Variants in CLSPN observed in about 807,000 individuals in gnomAD.
CLSPN encodes the protein claspin, also known as claspin homolog.
In CLSPN, 85 loss-of-function variants were observed where a neutral mutation model predicts 156.3. The ratio of observed to expected loss-of-function variants is 0.54; its 90% CI spans 0.46 to 0.65. CLSPN has a LOEUF of 0.65. CLSPN is among the 30% of genes least tolerant of loss of function. The pLI is 0.00. For missense variants in CLSPN, 1,407 were observed against 1,554.9 expected (o/e 0.90, Z 1.60); for synonymous variants, 534 against 542.4 (o/e 0.98, Z 0.22).
Position 35,746,917 on chromosome 1 carries a change from C to G in CLSPN, c.2703G>C (p.Glu901Asp), listed in dbSNP as rs1190236914. The G allele has an allele frequency of 6.2e-7, 1 of 1,614,152 alleles. No homozygotes were observed. The highest frequency in any genetic ancestry group is 8.5e-7 in the Non-Finnish European group (1 of 1,179,992). The change falls in exon 15 of 25, where the codon GAG (glutamate) becomes GAC (aspartate). Residue 901 changes from glutamate (E) to aspartate (D), a missense_variant. By Grantham distance (45) the Glu-to-Asp change is conservative. This residue lies in a region of CLSPN where 1,096 missense variants were observed against 1,193.0 expected (regional missense o/e 0.92). Coordinates refer to ENST00000318121, the MANE Select transcript of CLSPN (RefSeq NM_022111.4). This position sits in a 1 kb window ranked among gnomAD's most constrained non-coding sequence, Gnocchi z 4.2. ...KPRLPLASMDENAMDANMDEL... is the reference protein window; with the variant it reads ...KPRLPLASMDDNAMDANMDEL... ...CATCCATGTTGGCATCCATGGCATT[C>G]TCATCCATACTGGCCAATGGCAATC...
rs1284320411 is a variant in CLSPN, at chr1:35,743,170, CAGG to C, written c.3111_3113del (p.Leu1038del). 31 of 1,613,886 alleles carry C rather than the reference CAGG, an allele frequency of 1.9e-5. No individual in the cohort carries two copies. The highest frequency in any genetic ancestry group is 2.4e-5 in the Non-Finnish European group (28 of 1,179,876). ...GCCTTTTCAACTTCTCAGATCGCTT[CAGG>C]AGTTCTTCTTCATCATCATCTTCAT... On this transcript the variant is annotated inframe_deletion, in exon 18 of 25. Transcript: ENST00000318121.
At chr1:35,766,243 C>A (rs1283742241) in intron 1 of CLSPN, among the ~76,000 whole-genome samples, 1 of 151,628 alleles carries the variant, frequency 6.6e-6, no homozygotes, top group Non-Finnish European at 1.5e-5. Flanking sequence ...GATCCGCCCA[C>A]CTCGGCCTCC....
intron 8 of CLSPN, among the ~76,000 whole-genome samples, chr1:35,759,293 C>T (rs1642395575): frequency 6.6e-6 from 1 of 152,194 alleles, no homozygotes; most frequent in African/African-American, 2.4e-5. Flanking sequence ...AATTAATCCA[C>T]CTATTCTTCA....
intron 2 of CLSPN, 88 bp from the exon 3 acceptor site, chr1:35,764,802 T>C (rs190543012): frequency 2.1e-5 from 17 of 816,516 alleles, no homozygotes; most frequent in African/African-American, 3.5e-5. Context: ...TTTATACAAG[T>C]GATATATAAC....
intron 8 of CLSPN, among the ~76,000 whole-genome samples, chr1:35,755,524 C>T (rs931254273): frequency 6.6e-6 from 1 of 152,056 alleles, no homozygotes; most frequent in African/African-American, 2.4e-5. Flanking sequence ...CCACCCACCT[C>T]GGCCTCCCAA....
downstream of CLSPN, among the ~76,000 whole-genome samples, chr1:35,730,268 G>T (rs1218577788): frequency 6.6e-6 from 1 of 152,170 alleles, no homozygotes; most frequent in Non-Finnish European, 1.5e-5. Context: ...CTAAGGCTGG[G>T]TGTGGTGGCT....
Position 35,735,554 on chromosome 1 carries a change from A to G in CLSPN, c.*942T>C, listed in dbSNP as rs1641435968. 10 of 531,348 alleles carry G rather than the reference A, an allele frequency of 1.9e-5. No individual in the cohort carries two copies. Among genetic ancestry groups the G allele is most frequent in the Non-Finnish European group, 2.4e-5 (10 of 415,450 alleles). The allele number at this position is 531,348 out of a possible 1,614,324, so 32.9% of individuals were successfully genotyped here. On this transcript the variant is annotated 3_prime_UTR_variant, in exon 25 of 25. Coordinates refer to ENST00000318121, the MANE Select transcript of CLSPN (RefSeq NM_022111.4). ...GACTCCCTGTCTCCACTAAAAATAC[A>G]AAAATTAGCCAGGTGTGGTGGCATG... is the stretch of plus-strand genomic sequence containing the variant.
downstream of CLSPN, among the ~76,000 whole-genome samples, chr1:35,729,030 C>T (rs1259904556): frequency 6.7e-6 from 1 of 149,326 alleles, no homozygotes; most frequent in African/African-American, 2.5e-5. Context: ...TTTGGAAAAC[C>T]CAGATGATTT....
At chr1:35,726,070 T>G (rs1434334119) in intron 24 of CLSPN, among the ~76,000 whole-genome samples, 1 of 138,110 alleles carries the variant, frequency 7.2e-6, no homozygotes, top group African/African-American at 2.6e-5. Context: ...GTTCTTTGAG[T>G]TGGTTGCACC....
chr1:35,728,170 A>G (rs1222658930), downstream of CLSPN, among the ~76,000 whole-genome samples: 1 of 148,992 alleles, frequency 6.7e-6, no homozygotes, highest in Non-Finnish European at 1.5e-5. Flanking sequence ...TGCAGCCACA[A>G]CCTCCAGGCT....
intron 8 of CLSPN, 61 bp from the exon 9 acceptor site, chr1:35,753,997 C>T: frequency 6.7e-7 from 1 of 1,499,372 alleles, no homozygotes; most frequent in Non-Finnish European, 9.0e-7. Flanking sequence ...TCCTTTAAGA[C>T]TTATAAGCTA....
chr1:35,767,707 G>A (rs1399591665), intron 1 of CLSPN, among the ~76,000 whole-genome samples: 1 of 152,190 alleles, frequency 6.6e-6, no homozygotes, highest in Non-Finnish European at 1.5e-5. Flanking sequence ...ATCTCATTAT[G>A]TGTATGCGAA....
chr1:35,742,815 C>T (rs1414253675), intron 18 of CLSPN, among the ~76,000 whole-genome samples: 2 of 147,874 alleles, frequency 1.4e-5, no homozygotes, highest in Non-Finnish European at 3.0e-5. Context: ...GGTGCGATCT[C>T]GGCTCACTGC....
At chr1:35,752,318 G>A (rs1444565104) in intron 9 of CLSPN, among the ~76,000 whole-genome samples, 3 of 152,090 alleles carry the variant, frequency 2.0e-5, no homozygotes, top group African/African-American at 7.2e-5. Flanking sequence ...AGTGACTCAC[G>A]CCTGTAATCC....
At chr1:35,750,967 A>G (rs12740018) in intron 10 of CLSPN, among the ~76,000 whole-genome samples, 1,698 of 151,934 alleles carry the variant, frequency 0.011, 14 homozygotes, top group Non-Finnish European at 0.019. Context: ...TAATATTAGC[A>G]TTATTATATT....
At chr1:35,758,820 A>G in intron 8 of CLSPN, among the ~76,000 whole-genome samples, 1 of 136,846 alleles carries the variant, frequency 7.3e-6, no homozygotes, top group East Asian at 2.0e-4. Flanking sequence ...TTTTTTTGAG[A>G]CAGGATTTCA....
intron 4 of CLSPN, among the ~76,000 whole-genome samples, chr1:35,762,725 C>A (rs1427929981): frequency 6.6e-6 from 1 of 151,990 alleles, no homozygotes; most frequent in Non-Finnish European, 1.5e-5. Flanking sequence ...GATAATAACT[C>A]GCAGGAAGCT....
chr1:35,734,435 T>C lies in CLSPN; in HGVS notation c.*2061A>G. The C allele has an allele frequency of 1.1e-6, 1 of 922,340 alleles. No homozygotes were observed. Among genetic ancestry groups the C allele is most frequent in the Non-Finnish European group, 1.3e-6 (1 of 772,830 alleles). 57.1% of individuals were successfully genotyped at this position (922,340 alleles called of 1,614,324 possible). A position where few individuals can be genotyped will look rare whatever the true frequency, so the allele number is the denominator to read the frequency against. ...TGGCTCATGCCTATAATCCCAGCAC[T>C]TTGGGAGGCCGAGACGGGTGGATCA... On this transcript the variant is annotated 3_prime_UTR_variant, in exon 25 of 25. Coordinates refer to ENST00000318121, the MANE Select transcript of CLSPN (RefSeq NM_022111.4).
chr1:35,762,315 A>G (rs956608561), intron 5 of CLSPN, 89 bp downstream of exon 5: 1 of 1,195,340 alleles, frequency 8.4e-7, no homozygotes, highest in Non-Finnish European at 1.2e-6. Context: ...GAAAAATATG[A>G]TAGACAAAAT....
Sources: gnomAD v4.1 joint callset for allele counts (sites outside exome capture counted in the v4.1 genomes callset) on GRCh38, gnomAD v4.1.1 for gene constraint, gnomAD v4.1.1 regional missense constraint, Gnocchi (gnomAD v3.1) non-coding constraint, MANE v1.5 for transcripts, NCBI Gene and HGNC (gene_info 2026-07-23, HGNC 2026-07-21) for gene names.